PPP1R9A: variants seen among roughly 807,000 people sequenced by gnomAD.
PPP1R9A encodes neurabin-1.
PPP1R9A carries 59 observed loss-of-function variants against 141.9 expected under a neutral mutation model. The ratio of observed to expected loss-of-function variants is 0.42; its 90% confidence interval spans 0.34 to 0.52. The LOEUF is 0.52. PPP1R9A is among the 20% of genes least tolerant of loss of function. PPP1R9A has a pLI of 0.10. For missense variants in PPP1R9A, 1,444 were observed against 1,611.9 expected (o/e 0.90, Z 1.78); for synonymous variants, 500 against 569.7 (o/e 0.88, Z 1.74).
At chr7:95,044,617 T>A (rs778582433) in intron 2 of PPP1R9A, among the ~76,000 whole-genome samples, 1 of 148,312 alleles carries the variant, frequency 6.7e-6, no homozygotes, top group East Asian at 2.0e-4. Context: ...CAATCAAACC[T>A]CACTGCAGCC....
intron 10 of PPP1R9A, among the ~76,000 whole-genome samples, chr7:95,251,253 T>C (rs764342877): frequency 1.3e-5 from 2 of 152,174 alleles, no homozygotes; most frequent in Non-Finnish European, 1.5e-5. Context: ...AATGGAACTG[T>C]TTCTCTTCTC....
chr7:95,096,734 G>A (rs1818070909), intron 2 of PPP1R9A, among the ~76,000 whole-genome samples: 1 of 152,020 alleles, frequency 6.6e-6, no homozygotes, highest in South Asian at 2.1e-4. Flanking sequence ...TGTAGCCTTG[G>A]CCATGTTGGC....
At chr7:95,062,635 G>A (rs112155693) in intron 2 of PPP1R9A, among the ~76,000 whole-genome samples, 7 of 151,802 alleles carry the variant, frequency 4.6e-5, no homozygotes, top group Non-Finnish European at 1.5e-5. Context: ...TGATCTGCCC[G>A]CCTCGGCCTC....
intron 2 of PPP1R9A, among the ~76,000 whole-genome samples, chr7:95,086,336 G>C (rs1302770796): frequency 6.6e-6 from 1 of 151,990 alleles, no homozygotes; most frequent in Non-Finnish European, 1.5e-5. Flanking sequence ...AAAACAGGGT[G>C]ATTGTGTCAT....
At chr7:95,136,571 A>G (rs769427852) in intron 4 of PPP1R9A, among the ~76,000 whole-genome samples, 24 of 152,344 alleles carry the variant, frequency 1.6e-4, no homozygotes, top group Middle Eastern at 3.4e-3. Flanking sequence ...ATTTTAAATG[A>G]TGATTGGCTA....
chr7:95,066,965 C>T (rs999130548), intron 2 of PPP1R9A, among the ~76,000 whole-genome samples: 3 of 152,154 alleles, frequency 2.0e-5, no homozygotes, highest in African/African-American at 7.2e-5. Flanking sequence ...CAACAGGCCA[C>T]GTTAATGGTT....
intron 2 of PPP1R9A, 130 bp from the exon 3 acceptor site, chr7:95,111,129 A>G (rs1820479496): frequency 1.9e-6 from 2 of 1,045,808 alleles, no homozygotes; most frequent in East Asian, 2.5e-5. Flanking sequence ...TAACATCTCA[A>G]TTGATTTTAA....
intron 2 of PPP1R9A, among the ~76,000 whole-genome samples, chr7:95,098,021 A>G (rs1460195160): frequency 6.6e-6 from 1 of 152,228 alleles, no homozygotes; most frequent in Non-Finnish European, 1.5e-5. Flanking sequence ...TATCGTCAGG[A>G]AACTTCAGCT....
chr7:95,168,079 T>C (rs2152739219), intron 5 of PPP1R9A, among the ~76,000 whole-genome samples: 1 of 152,130 alleles, frequency 6.6e-6, no homozygotes, highest in Admixed American at 6.5e-5. Flanking sequence ...ACGGCTCAAA[T>C]ACCAAAGTGA....
At chr7:95,081,970 A>G (rs1049358737) in intron 2 of PPP1R9A, among the ~76,000 whole-genome samples, 2 of 152,138 alleles carry the variant, frequency 1.3e-5, no homozygotes, top group Admixed American at 6.6e-5. Flanking sequence ...CTTGGCAGCC[A>G]CTTCAGGGGG....
chr7:95,268,173 G>A (rs1004827681), intron 12 of PPP1R9A, among the ~76,000 whole-genome samples: 2 of 151,952 alleles, frequency 1.3e-5, no homozygotes, highest in African/African-American at 4.8e-5. Flanking sequence ...TTTTGTCCTT[G>A]GTTTCTAAGA....
intron 2 of PPP1R9A, among the ~76,000 whole-genome samples, chr7:94,964,440 C>G (rs1190385643): frequency 6.6e-6 from 1 of 152,138 alleles, no homozygotes; most frequent in Non-Finnish European, 1.5e-5. Flanking sequence ...CACCCATCAA[C>G]CTGTCATCTA....
At chr7:95,101,740 TG>T (rs1265721497) in intron 2 of PPP1R9A, among the ~76,000 whole-genome samples, 5 of 152,378 alleles carry the variant, frequency 3.3e-5, no homozygotes, top group Middle Eastern at 3.4e-3. Flanking sequence ...CTAGCTCACA[TG>T]GATTACAGAA....
At position 95,276,119 on chromosome 7, in the gene PPP1R9A, C is replaced by T. The variant is rs541676735; in HGVS notation, c.3296+1951C>T. Among the ~76,000 whole-genome samples the T allele has an allele frequency of 3.3e-5, 5 of 152,220 alleles. 1 individual carries two copies. Among genetic ancestry groups the T allele is most frequent in the African/African-American group, 1.2e-4 (5 of 41,538 alleles). Reference sequence around the variant, plus strand: ...TAGGGGAGAAAGAGATGCATAAATACATGATGGGAGAGAAACTCAGATACT... The same window carrying T: ...TAGGGGAGAAAGAGATGCATAAATATATGATGGGAGAGAAACTCAGATACT... On this transcript the variant is annotated intron_variant, in intron 16 of 19. Coordinates refer to ENST00000433360, the MANE Select transcript of PPP1R9A (RefSeq NM_001166160.2).
intron 2 of PPP1R9A, among the ~76,000 whole-genome samples, chr7:95,037,272 G>A (rs1225372617): frequency 3.3e-5 from 5 of 151,964 alleles, no homozygotes; most frequent in Non-Finnish European, 5.9e-5. Flanking sequence ...ATATATAAAT[G>A]TATCTGCTTT....
At chr7:95,055,890 C>T (rs990026730) in intron 2 of PPP1R9A, among the ~76,000 whole-genome samples, 5 of 152,060 alleles carry the variant, frequency 3.3e-5, no homozygotes, top group African/African-American at 1.2e-4. Flanking sequence ...TGAGCTTCTA[C>T]CTACTGAGAA....
chr7:95,078,720 C>T (rs1196507281), intron 2 of PPP1R9A, among the ~76,000 whole-genome samples: 1 of 151,898 alleles, frequency 6.6e-6, no homozygotes, highest in African/African-American at 2.4e-5. Context: ...TTGCATTTCT[C>T]TGATGGCCAG....
chr7:94,978,076 G>A (rs543065260), intron 2 of PPP1R9A, among the ~76,000 whole-genome samples: 1 of 152,230 alleles, frequency 6.6e-6, no homozygotes, highest in South Asian at 2.1e-4. Context: ...TGGGCTTCTT[G>A]TGGTGACTGA....
intron 4 of PPP1R9A, among the ~76,000 whole-genome samples, chr7:95,149,388 A>G (rs1253633760): frequency 6.6e-6 from 1 of 152,198 alleles, no homozygotes; most frequent in African/African-American, 2.4e-5. Flanking sequence ...GCAGTAGGAT[A>G]AGAAAAATAA....
Sources: allele counts gnomAD v4.1 joint callset (sites outside exome capture counted in the v4.1 genomes callset), GRCh38; gene constraint gnomAD v4.1.1; transcripts MANE v1.5; gene names NCBI Gene and HGNC (gene_info 2026-07-23, HGNC 2026-07-21).